The following RDX variants were observed in gnomAD, a reference collection of about 807,000 sequenced individuals.
RDX encodes deafness, autosomal recessive 24.
RDX carries 32 observed loss-of-function variants against 83.7 expected under a neutral mutation model. The observed-to-expected ratio is 0.38, with a 90% confidence interval of 0.29 to 0.51. RDX has a LOEUF of 0.51. Ranked by LOEUF, RDX falls within the 20% of genes least tolerant of loss-of-function variation. RDX has a pLI of 0.87. For missense variants in RDX, 600 were observed against 689.9 expected (o/e 0.87, Z 1.46); for synonymous variants, 229 against 222.7 (o/e 1.03, Z -0.25).
intron 15 of RDX, chr11:110,179,776 A>G (rs1465021232): frequency 3.1e-6 from 1 of 327,618 alleles, no homozygotes; most frequent in Non-Finnish European, 6.0e-6. Flanking sequence ...TGTCTAAAAA[A>G]CAATTATAAT....
intron 5 of RDX, among the ~76,000 whole-genome samples, 194 bp downstream of exon 5, chr11:110,263,766 G>A (rs930688497): frequency 3.3e-5 from 5 of 151,626 alleles, no homozygotes; most frequent in African/African-American, 1.2e-4. Flanking sequence ...TACTCAGGAG[G>A]CTGAGGTGGA....
chr11:110,242,138 A>G lies in RDX; in HGVS notation c.1091-4486T>C, dbSNP rs142952796. Among the ~76,000 whole-genome samples the G allele has an allele frequency of 1.8e-4, 28 of 152,340 alleles. 2 individuals carry two copies. The East Asian group carries it at 5.4e-3, about 29-fold the overall frequency. On this transcript the variant is annotated intron_variant, in intron 10 of 13. Transcript: ENST00000645495. ...CAACATTCCCAATATATTTTGCATC[A>G]GTGAACTACATTACTTAAAACGGCA...
At chr11:110,288,501 T>C (rs1420068381) in intron 1 of RDX, 4 of 152,232 alleles carry the variant, frequency 2.6e-5, no homozygotes, top group Non-Finnish European at 4.4e-5. Flanking sequence ...AAGTCACTTA[T>C]ATAACAGGAA....
intron 9 of RDX, among the ~76,000 whole-genome samples, chr11:110,253,663 T>C (rs1240335062): frequency 1.3e-5 from 2 of 152,088 alleles, no homozygotes; most frequent in Admixed American, 6.6e-5. Flanking sequence ...AGCAAAACAA[T>C]TTTGAAAGTT....
chr11:110,274,770 A>G lies in RDX; in HGVS notation c.13-2151T>C, dbSNP rs72486037. ...TTGATGTTTTTGTAACTGAACTTTCACTGCTATGCAACATTCTGCATGTGG... is the reference window on the plus strand; with the variant it reads ...TTGATGTTTTTGTAACTGAACTTTCGCTGCTATGCAACATTCTGCATGTGG... On this transcript the variant is annotated intron_variant, in intron 2 of 13. Coordinates refer to ENST00000645495, the MANE Select transcript of RDX (RefSeq NM_002906.4). Among the ~76,000 whole-genome samples, 1,575 of 152,280 alleles carry G rather than the reference A, an allele frequency of 0.01. 74 individuals are homozygous for G. The East Asian group carries it at 0.14, about 14-fold the overall frequency.
rs71053874 is a variant in RDX at position 110,244,363 on chromosome 11, C to CAAAAAAAAAAAAAAAAAAAAAAAAAAAAA, written c.1090+3339_1090+3340insTTTTTTTTTTTTTTTTTTTTTTTTTTTTT. Among the ~76,000 whole-genome samples the CAAAAAAAAAAAAAAAAAAAAAAAAAAAAA allele has an allele frequency of 3.9e-5, 2 of 51,292 alleles. 1 individual carries two copies. The allele number at this position is 51,292 out of a possible 152,430, so 33.6% of individuals were successfully genotyped here. On this transcript the variant is annotated intron_variant, in intron 10 of 13. Transcript: ENST00000645495. The stretch of plus-strand genomic sequence containing the variant: ...GGGGCAACAGAGTGAGATTCTGGCT[C>CAAAAAAAAAAAAAAAAAAAAAAAAAAAAA]AAAAAAAAAAAAAAAAAAAAAAAAA...
At chr11:110,274,645 C>T (rs536989109) in intron 2 of RDX, among the ~76,000 whole-genome samples, 2 of 128,358 alleles carry the variant, frequency 1.6e-5, no homozygotes, top group South Asian at 5.2e-4. Context: ...TTACTACACA[C>T]TTCTCATATA....
chr11:110,210,500 T>C (rs997478780), intron 14 of RDX, among the ~76,000 whole-genome samples: 18 of 150,020 alleles, frequency 1.2e-4, no homozygotes, highest in African/African-American at 3.2e-4. Flanking sequence ...ACCACAAAGA[T>C]ACTCCTCGAG....
intron 15 of RDX, among the ~76,000 whole-genome samples, chr11:110,194,349 A>G (rs1444057881): frequency 6.6e-6 from 1 of 152,218 alleles, no homozygotes; most frequent in Non-Finnish European, 1.5e-5. Context: ...TCTCCCGAGC[A>G]GCTGGGACTA....
intron 11 of RDX, 149 bp downstream of exon 11, chr11:110,237,343 T>G: frequency 1.4e-6 from 1 of 701,368 alleles, no homozygotes; most frequent in Non-Finnish European, 2.3e-6. Flanking sequence ...ATTTTCTAGG[T>G]TTTTGTCTAC....
At chr11:110,246,606 C>T (rs764707199) in intron 10 of RDX, among the ~76,000 whole-genome samples, 5 of 152,108 alleles carry the variant, frequency 3.3e-5, no homozygotes, top group Non-Finnish European at 7.4e-5. Flanking sequence ...GAAACCCTCT[C>T]TCTACTAAAA....
chr11:110,294,381 G>A lies in RDX; in HGVS notation c.-65+2086C>T, dbSNP rs141827269. The stretch of plus-strand genomic sequence containing the variant: ...TGCATATCACCCTGGGAGACAGAGC[G>A]AGATGGGCTAACTGGATTAAAATAA... On this transcript the variant is annotated intron_variant, in intron 1 of 13. Transcript: ENST00000645495. Among the ~76,000 whole-genome samples the A allele has an allele frequency of 3.9e-5, 6 of 152,344 alleles. No individual in the cohort carries two copies. In the East Asian group the frequency reaches 1.2e-3, roughly 29 times the overall value.
chr11:110,225,172 A>AT (rs1864390489), downstream of RDX, among the ~76,000 whole-genome samples: 1 of 152,198 alleles, frequency 6.6e-6, no homozygotes, highest in South Asian at 2.1e-4. Context: ...CACCTTCTTC[A>AT]TTAAAAACTA....
At chr11:110,264,756 T>C in intron 4 of RDX, 23 bp downstream of exon 4, 4 of 1,484,858 alleles carry the variant, frequency 2.7e-6, no homozygotes, top group Non-Finnish European at 3.7e-6. Context: ...ATTATTAGTT[T>C]AATGTTATCG....
At chr11:110,227,668 CA>C (rs1299700390), downstream of RDX, among the ~76,000 whole-genome samples, 4 of 151,942 alleles carry the variant, frequency 2.6e-5, no homozygotes, top group Non-Finnish European at 5.9e-5. Flanking sequence ...CTATATAGGC[CA>C]AAACAAAGGG....
At chr11:110,179,903 C>CTTTTTTTTTTTTTTTTTTTTTTTTTTTT in intron 15 of RDX, 3 of 363,750 alleles carry the variant, frequency 8.2e-6, no homozygotes, top group Non-Finnish European at 1.5e-5. Flanking sequence ...TTTCTTTTTT[C>CTTTTTTTTTTTTTTTTTTTTTTTTTTTT]TTTTTTTTTT....
chr11:110,220,789 C>T (rs1197905040), intron 14 of RDX, among the ~76,000 whole-genome samples: 5 of 151,704 alleles, frequency 3.3e-5, no homozygotes, highest in Non-Finnish European at 5.9e-5. Context: ...TGAGCCACCA[C>T]GCCTGGCCCC....
At chr11:110,222,750 C>T (rs556213454) in intron 14 of RDX, among the ~76,000 whole-genome samples, 21 of 151,750 alleles carry the variant, frequency 1.4e-4, no homozygotes, top group Non-Finnish European at 2.5e-4. Flanking sequence ...GAGCCGAGAT[C>T]GCTCCACTGC....
At chr11:110,203,847 A>G (rs1264818457) in intron 14 of RDX, among the ~76,000 whole-genome samples, 2 of 152,134 alleles carry the variant, frequency 1.3e-5, no homozygotes, top group Non-Finnish European at 2.9e-5. Flanking sequence ...AAATATGTAT[A>G]TGTATGTAAA....
Sources: allele counts gnomAD v4.1 joint callset (sites outside exome capture counted in the v4.1 genomes callset), GRCh38; gene constraint gnomAD v4.1.1; transcripts MANE v1.5; gene names NCBI Gene and HGNC (gene_info 2026-07-23, HGNC 2026-07-21).